The following CRTAC1 variants were observed in gnomAD, a reference collection of about 807,000 sequenced individuals.
CRTAC1 encodes the protein cartilage acidic protein 1.
A neutral mutation model predicts 67.8 loss-of-function variants in CRTAC1; 37 were observed. The ratio of observed to expected loss-of-function variants is 0.55; its 90% CI spans 0.42 to 0.72. The LOEUF is 0.72. Ranked by LOEUF, CRTAC1 falls within the 30% of genes least tolerant of loss-of-function variation. The pLI is 0.00. For synonymous variants in CRTAC1, 348 were observed against 371.0 expected (o/e 0.94, Z 0.71); for missense variants, 780 against 931.6 (o/e 0.84, Z 2.12).
At chr10:98,022,421 C>T (rs1843143935) in intron 1 of CRTAC1, among the ~76,000 whole-genome samples, 1 of 151,598 alleles carries the variant, frequency 6.6e-6, no homozygotes, top group African/African-American at 2.4e-5. Context: ...TACAAAGCCT[C>T]GACACAAGCC....
intron 5 of CRTAC1, among the ~76,000 whole-genome samples, chr10:97,915,721 TGGC>T (rs2050750621): frequency 6.7e-6 from 1 of 148,228 alleles, no homozygotes; most frequent in South Asian, 2.2e-4. Flanking sequence ...TTGGGGGGCT[TGGC>T]GGGCAGGGAA....
intron 11 of CRTAC1, among the ~76,000 whole-genome samples, chr10:97,889,731 G>A (rs1034548331): frequency 6.6e-6 from 1 of 152,136 alleles, no homozygotes; most frequent in Non-Finnish European, 1.5e-5. Flanking sequence ...CATGCGCACT[G>A]CACCTTGCTG....
At chr10:97,918,012 C>T (rs538854313) in intron 4 of CRTAC1, among the ~76,000 whole-genome samples, 1 of 152,282 alleles carries the variant, frequency 6.6e-6, no homozygotes, top group East Asian at 1.9e-4. Flanking sequence ...AGGGTAGCTG[C>T]TCAATAAATA....
At chr10:97,993,848 A>G (rs1330614762) in intron 2 of CRTAC1, among the ~76,000 whole-genome samples, 1 of 152,134 alleles carries the variant, frequency 6.6e-6, no homozygotes, top group Non-Finnish European at 1.5e-5. Context: ...CAAAATGTGT[A>G]TGTAGAGTGT....
At chr10:97,993,543 T>G (rs1333181183) in intron 2 of CRTAC1, among the ~76,000 whole-genome samples, 1 of 152,234 alleles carries the variant, frequency 6.6e-6, no homozygotes, top group Non-Finnish European at 1.5e-5. Context: ...TCCAAAGTGC[T>G]GAGCACACAA....
intron 2 of CRTAC1, among the ~76,000 whole-genome samples, chr10:97,943,326 C>T (rs1234094709): frequency 1.3e-5 from 2 of 152,118 alleles, no homozygotes; most frequent in Non-Finnish European, 2.9e-5. Context: ...GAGGTAAAGA[C>T]ACCTACCCAT....
At chr10:97,873,537 A>G (rs991188496) in intron 14 of CRTAC1, among the ~76,000 whole-genome samples, 4 of 152,126 alleles carry the variant, frequency 2.6e-5, no homozygotes, top group African/African-American at 9.7e-5. Context: ...CTCCATAAGC[A>G]GTTGGGGAAA....
chr10:98,030,357 C>T lies in CRTAC1; in HGVS notation c.24+92G>A. ...TCTTCCCGGGTTCCCGGGCGGCGTC[C>T]CCGCCACCCTTGCGGGCGGATCCGG... is the stretch of plus-strand genomic sequence containing the variant. On this transcript the variant is annotated intron_variant, in intron 1 of 14. Transcript: ENST00000370597. The surrounding 1 kb of genome is among the most constrained non-coding windows in gnomAD (Gnocchi z 4.2). 2.4e-6 allele frequency: 2 copies of T among 832,932 alleles called. No homozygotes were observed. The highest frequency in any genetic ancestry group is 3.3e-6 in the Non-Finnish European group (2 of 610,012). The allele number at this position is 832,932 out of a possible 1,614,324, so 51.6% of individuals were successfully genotyped here.
chr10:98,007,515 T>G (rs928393642), intron 2 of CRTAC1, among the ~76,000 whole-genome samples: 4 of 152,218 alleles, frequency 2.6e-5, no homozygotes, highest in African/African-American at 9.6e-5. Flanking sequence ...GACCTGGAGC[T>G]GGGAGACTGC....
chr10:98,020,049 C>G (rs877000), intron 1 of CRTAC1, among the ~76,000 whole-genome samples: 33,519 of 152,124 alleles, frequency 0.22, 3,904 homozygotes, highest in African/African-American at 0.27. Context: ...CTCTCTCAAT[C>G]CTGCTCAGTT....
In CRTAC1 at chr10:97,923,320, C is replaced by G. The variant is rs750032246; in HGVS notation, c.502G>C (p.Ala168Pro). Reference protein sequence around the residue: ...EDILSDEVNVARGVASLFAGR... With the variant: ...EDILSDEVNVPRGVASLFAGR... The stretch of plus-strand genomic sequence containing the variant: ...GCAAAGAGGCTGGCCACACCACGGG[C>G]CACGTTGACCTCATCGCTCAGGATG... The change falls in exon 4 of 15, where the codon GCC becomes CCC. Residue 168 changes from alanine (A) to proline (P), a missense_variant. By Grantham distance (27) the Ala-to-Pro change is conservative (BLOSUM62 -1). Transcript: ENST00000370597. 1.2e-6 allele frequency: 2 copies of G among 1,614,152 alleles called. No individual in the cohort carries two copies. Among genetic ancestry groups the G allele is most frequent in the South Asian group, 2.2e-5 (2 of 91,078 alleles).
intron 2 of CRTAC1, among the ~76,000 whole-genome samples, chr10:97,978,766 C>T (rs765012315): frequency 9.2e-5 from 14 of 152,310 alleles, no homozygotes; most frequent in Admixed American, 2.0e-4. Context: ...CTGTCACTCA[C>T]TCTGACTTGC....
chr10:97,916,860 C>T (rs1345586863), intron 5 of CRTAC1, among the ~76,000 whole-genome samples: 1 of 152,132 alleles, frequency 6.6e-6, no homozygotes, highest in African/African-American at 2.4e-5. Context: ...AGCAGCCGTG[C>T]TGGAATTAGA....
At chr10:97,904,398 C>A (rs1042827794) in intron 7 of CRTAC1, among the ~76,000 whole-genome samples, 1 of 151,996 alleles carries the variant, frequency 6.6e-6, no homozygotes, top group Non-Finnish European at 1.5e-5. Context: ...GAGGGAGAGG[C>A]CCTTTCTTTT....
chr10:97,871,238 G>C (rs758307942), intron 14 of CRTAC1: 1 of 152,208 alleles, frequency 6.6e-6, no homozygotes, highest in Non-Finnish European at 1.5e-5. Context: ...TCGCATGCAG[G>C]ATCCTGGAGC....
At chr10:97,956,431 C>A (rs61350321) in intron 2 of CRTAC1, among the ~76,000 whole-genome samples, 1,949 of 152,222 alleles carry the variant, frequency 0.013, 49 homozygotes, top group African/African-American at 0.044. Context: ...GCTGTCAATC[C>A]GGCACACAAT....
At chr10:97,886,965 C>G (rs1339017228) in intron 11 of CRTAC1, among the ~76,000 whole-genome samples, 1 of 143,926 alleles carries the variant, frequency 6.9e-6, no homozygotes, top group African/African-American at 2.6e-5. Context: ...TTTTTTTTTT[C>G]TAATTTGAAG....
At chr10:97,889,316 G>A (rs2050331341) in intron 11 of CRTAC1, among the ~76,000 whole-genome samples, 1 of 152,030 alleles carries the variant, frequency 6.6e-6, no homozygotes, top group Non-Finnish European at 1.5e-5. Flanking sequence ...TTGGGGGTGG[G>A]TTCCGAGCAA....
chr10:97,924,421 C>T (rs1381053316), intron 3 of CRTAC1, among the ~76,000 whole-genome samples: 2 of 152,178 alleles, frequency 1.3e-5, no homozygotes, highest in African/African-American at 4.8e-5. Flanking sequence ...GGGGACAGAA[C>T]CCTGAACTTG....
Sources: gnomAD v4.1 joint callset for allele counts (sites outside exome capture counted in the v4.1 genomes callset) on GRCh38, gnomAD v4.1.1 for gene constraint, Gnocchi (gnomAD v3.1) non-coding constraint, MANE v1.5 for transcripts, NCBI Gene and HGNC (gene_info 2026-07-23, HGNC 2026-07-21) for gene names.